Variants in KIF3C observed in about 807,000 individuals in gnomAD.
KIF3C encodes the protein kinesin family member 3C, also known as kinesin-like protein KIF3C.
In KIF3C, 12 loss-of-function variants were observed where a neutral mutation model predicts 67.7. That is an observed-to-expected ratio of 0.18 (90% CI 0.11 to 0.29). The LOEUF (loss-of-function observed/expected upper bound fraction) is 0.29, where lower values mean the gene tolerates loss of function less well. Among genes scored for constraint, KIF3C ranks in the 10% least tolerant of loss-of-function variants. The pLI, the probability that KIF3C is intolerant of heterozygous loss-of-function variation, is 1.00. For synonymous variants in KIF3C, 393 were observed against 426.2 expected, an observed-to-expected ratio of 0.92 and a Z score of 0.96; for missense variants, 789 against 1,059.6, an observed-to-expected ratio of 0.74 and a Z score of 3.55.
rs1664527789 is a variant in KIF3C at position 25,980,231 on chromosome 2, G to C, written c.1545+142C>G. ...CAGCAATTTGCCTGGCTGCTCTGGG[G>C]GCACATTTGGCAGGAGGGCAGTGTG... is the stretch of plus-strand genomic sequence containing the variant. On this transcript the variant is annotated intron_variant, in intron 1 of 7. Coordinates refer to ENST00000264712, the MANE Select transcript of KIF3C (RefSeq NM_002254.8). The surrounding 1 kb of genome is among the most constrained non-coding windows in gnomAD (Gnocchi z 7.6). 1.4e-6 allele frequency: 1 copy of C among 694,462 alleles called. No individual in the cohort carries two copies. Among genetic ancestry groups the C allele is most frequent in the African/African-American group, 1.8e-5 (1 of 55,704 alleles). The allele number at this position is 694,462 out of a possible 1,614,324, so 43.0% of individuals were successfully genotyped here.
chr2:25,960,711 C>T (rs148132827), intron 1 of KIF3C, among the ~76,000 whole-genome samples: 1 of 152,188 alleles, frequency 6.6e-6, no homozygotes, highest in African/African-American at 2.4e-5. Flanking sequence ...CTGAAGTGGG[C>T]AGATCCCTTG....
intron 1 of KIF3C, among the ~76,000 whole-genome samples, chr2:25,971,871 C>CTTTTTTTTTTTTTTTTTTTTTTT (rs70950146): frequency 1.9e-5 from 1 of 53,804 alleles, no homozygotes; most frequent in Non-Finnish European, 3.7e-5. Flanking sequence ...CCATGCCTAG[C>CTTTTTTTTTTTTTTTTTTTTTTT]TTTTTTTTTT....
chr2:25,956,573 T>A (rs1663812337), intron 1 of KIF3C, 129 bp from the exon 2 acceptor site: 1 of 681,056 alleles, frequency 1.5e-6, no homozygotes. Context: ...AGATGGGGCC[T>A]TGTGGCTTTC....
chr2:25,935,967 G>T (rs1663105038), intron 5 of KIF3C, among the ~76,000 whole-genome samples: 1 of 151,658 alleles, frequency 6.6e-6, no homozygotes, highest in Non-Finnish European at 1.5e-5. Context: ...CACACCTGTA[G>T]TCCCAGCTAC....
intron 1 of KIF3C, among the ~76,000 whole-genome samples, chr2:25,961,283 C>A (rs1182375625): frequency 6.6e-6 from 1 of 152,176 alleles, no homozygotes; most frequent in African/African-American, 2.4e-5. Context: ...GGAAAGGAAA[C>A]AGAAATAAAC....
chr2:25,937,968 T>G (rs551511124), intron 5 of KIF3C, among the ~76,000 whole-genome samples: 1 of 151,682 alleles, frequency 6.6e-6, no homozygotes, highest in Non-Finnish European at 1.5e-5. Flanking sequence ...GGTGAGAGAA[T>G]CACTTCAACC....
chr2:25,933,555 A>C (rs1352328834), intron 5 of KIF3C, among the ~76,000 whole-genome samples: 1 of 151,922 alleles, frequency 6.6e-6, no homozygotes, highest in Non-Finnish European at 1.5e-5. Context: ...CACACCTGTA[A>C]TCCCAGCTAC....
chr2:25,928,272 G>A lies in KIF3C; in HGVS notation c.*706C>T, dbSNP rs1283378709. 1.3e-5 allele frequency: 2 copies of A among 152,250 alleles called. No homozygotes were observed. Among genetic ancestry groups the A allele is most frequent in the Non-Finnish European group, 2.9e-5 (2 of 68,074 alleles). The allele number at this position is 152,250 out of a possible 1,614,324, so 9.4% of individuals were successfully genotyped here. ...CTGTTCCATTTCCTGCAGGTTCCAAGGCGATGGTAATTGCTTGGTCCACAG... is the reference window on the plus strand; with the variant it reads ...CTGTTCCATTTCCTGCAGGTTCCAAAGCGATGGTAATTGCTTGGTCCACAG... On this transcript the variant is annotated 3_prime_UTR_variant, in exon 8 of 8. Transcript: ENST00000264712.
chr2:25,934,261 GTTTC>G (rs2090486484), intron 5 of KIF3C: 1 of 449,476 alleles, frequency 2.2e-6, no homozygotes, highest in African/African-American at 2.0e-5. Flanking sequence ...TTGGTTCAGG[GTTTC>G]TTTTTGGAGT....
At chr2:25,963,701 T>C (rs961485417) in intron 1 of KIF3C, among the ~76,000 whole-genome samples, 10 of 148,714 alleles carry the variant, frequency 6.7e-5, no homozygotes, top group African/African-American at 1.2e-4. Flanking sequence ...ATTATTATTA[T>C]TATTATTTTG....
intron 1 of KIF3C, among the ~76,000 whole-genome samples, chr2:25,961,380 T>C (rs1054362605): frequency 2.0e-5 from 3 of 152,160 alleles, no homozygotes; most frequent in Non-Finnish European, 2.9e-5. Flanking sequence ...ATGGGTGAAA[T>C]ACCCAACTTC....
At chr2:25,940,137 C>T (rs1007762448) in intron 5 of KIF3C, among the ~76,000 whole-genome samples, 1 of 152,148 alleles carries the variant, frequency 6.6e-6, no homozygotes, top group Non-Finnish European at 1.5e-5. Context: ...GAGTGCAACT[C>T]TTCATTGATC....
rs936666522 is a variant in KIF3C, at chr2:25,928,949, A to G, written c.*29T>C. 3 of 1,592,292 alleles carry G rather than the reference A, an allele frequency of 1.9e-6. No individual in the cohort carries two copies. Among genetic ancestry groups the G allele is most frequent in the African/African-American group, 1.3e-5 (1 of 74,416 alleles). ...GTTGGCTGCCCCATCCCAGGAGTCT[A>G]TTGGATGGGCAGCCTGACGTGATGG... On this transcript the variant is annotated 3_prime_UTR_variant, in exon 8 of 8. Coordinates refer to ENST00000264712, the MANE Select transcript of KIF3C (RefSeq NM_002254.8).
chr2:25,960,229 C>T (rs1329609345), intron 1 of KIF3C, among the ~76,000 whole-genome samples: 2 of 151,956 alleles, frequency 1.3e-5, no homozygotes, highest in Non-Finnish European at 2.9e-5. Flanking sequence ...CATAGCAACG[C>T]CCTATCTCAA....
rs1410567429 is a variant in KIF3C at position 25,980,812 on chromosome 2, G to A, written c.1106C>T (p.Pro369Leu). 1 of 1,614,200 alleles carries A rather than the reference G, an allele frequency of 6.2e-7. No homozygotes were observed. The highest frequency in any genetic ancestry group is 8.5e-7 in the Non-Finnish European group (1 of 1,180,050). Residue 369 changes from proline to leucine, a missense_variant, in exon 1 of 8, where the codon CCC (proline) becomes CTC (leucine). Physicochemically the swap from Pro to Leu is moderately conservative, Grantham distance 98. Transcript: ENST00000264712. The surrounding 1 kb of genome is among the most constrained non-coding windows in gnomAD (Gnocchi z 7.6). ...GTCCTTGGGGTCCTCGTTCACCCGGGGCTTGTTCTTGATGTTCTTGGCTCG... is the reference window on the plus strand; with the variant it reads ...GTCCTTGGGGTCCTCGTTCACCCGGAGCTTGTTCTTGATGTTCTTGGCTCG... ...ANRAKNIKNKPRVNEDPKDTL... is the reference protein window; with the variant it reads ...ANRAKNIKNKLRVNEDPKDTL...
Position 25,951,880 on chromosome 2 carries a change from G to T in KIF3C, c.1915C>A (p.Pro639Thr). The T allele has an allele frequency of 6.2e-7, 1 of 1,613,830 alleles. No homozygotes were observed. The highest frequency in any genetic ancestry group is 1.1e-5 in the South Asian group (1 of 91,076). Residue 639 changes from proline (P) to threonine (T), a missense_variant, in exon 5 of 8, where the codon CCG becomes ACG. Pro to Thr is a conservative substitution (Grantham distance 38). Transcript: ENST00000264712. ...LKYLIIENFI[P>T]PEEKNKIMNR... ...ATGATCTTGTTCTTCTCCTCCGGCGGGATGAAGTTCTCGATGATTAGGTAC... is the reference window on the plus strand; with the variant it reads ...ATGATCTTGTTCTTCTCCTCCGGCGTGATGAAGTTCTCGATGATTAGGTAC...
chr2:25,935,486 C>T (rs1302701725), intron 5 of KIF3C, among the ~76,000 whole-genome samples: 1 of 152,026 alleles, frequency 6.6e-6, no homozygotes, highest in African/African-American at 2.4e-5. Flanking sequence ...CCTGCCTCAG[C>T]CTCCTGAGTA....
chr2:25,948,742 AAGGG>A lies in KIF3C; in HGVS notation c.2006+3043_2006+3046del, dbSNP rs375139696. 1.9e-3 allele frequency among the ~76,000 whole-genome samples: 273 copies of A among 141,480 alleles called. 1 individual carries two copies. The highest frequency in any genetic ancestry group is 6.1e-3 in the African/African-American group (240 of 39,358). 92.8% of individuals were successfully genotyped at this position (141,480 alleles called of 152,430 possible). On this transcript the variant is annotated intron_variant, in intron 5 of 7. Coordinates refer to ENST00000264712, the MANE Select transcript of KIF3C (RefSeq NM_002254.8). ...AAAGAAAGAAGAAAGGGAAGGAATGAAGGGAGGGAGGGAGGGAGGGAAGGAAATT... is the reference window on the plus strand; with the variant it reads ...AAAGAAAGAAGAAAGGGAAGGAATGAAGGGAGGGAGGGAGGGAAGGAAATT...
rs1574500720 is a variant in KIF3C, at chr2:25,980,348, T to C, written c.1545+25A>G. ...GGATCCCCTGCGGGGACATCTCGAG[T>C]GCCCAGCTCCTCTGGGGCCCTTACC... On this transcript the variant is annotated intron_variant, in intron 1 of 7. Coordinates refer to ENST00000264712, the MANE Select transcript of KIF3C (RefSeq NM_002254.8). The surrounding 1 kb of genome is among the most constrained non-coding windows in gnomAD (Gnocchi z 7.6). 6.3e-7 allele frequency: 1 copy of C among 1,579,914 alleles called. No homozygotes were observed. The highest frequency in any genetic ancestry group is 1.4e-5 in the African/African-American group (1 of 74,056).
Sources: allele counts gnomAD v4.1 joint callset (sites outside exome capture counted in the v4.1 genomes callset), GRCh38; gene constraint gnomAD v4.1.1; non-coding constraint Gnocchi (gnomAD v3.1); transcripts MANE v1.5; gene names NCBI Gene and HGNC (gene_info 2026-07-23, HGNC 2026-07-21).